GALNT17: variants seen among roughly 807,000 people sequenced by gnomAD.
GALNT17 encodes UDP-GalNAc:polypeptide N-acetylgalactosaminyltransferase-like 3.
GALNT17 carries 29 observed loss-of-function variants against 63.7 expected under a neutral mutation model. That is an observed-to-expected ratio of 0.46 (90% CI 0.34 to 0.62). The LOEUF (loss-of-function observed/expected upper bound fraction) is 0.62, where lower values mean the gene tolerates loss of function less well. GALNT17 is among the 20% of genes least tolerant of loss of function. The pLI, the probability that GALNT17 is intolerant of heterozygous loss-of-function variation, is 0.01. For synonymous variants in GALNT17, 305 were observed against 318.3 expected, an observed-to-expected ratio of 0.96 and a Z score of 0.45; for missense variants, 603 against 799.6, an observed-to-expected ratio of 0.75 and a Z score of 2.97.
intron 5 of GALNT17, among the ~76,000 whole-genome samples, chr7:71,487,973 G>T (rs1787940883): frequency 6.6e-6 from 1 of 152,044 alleles, no homozygotes; most frequent in Admixed American, 6.6e-5. Context: ...TTTGAGACCA[G>T]CCTAGACAAC....
At chr7:71,404,709 C>T (rs952435992) in intron 3 of GALNT17, among the ~76,000 whole-genome samples, 7 of 152,284 alleles carry the variant, frequency 4.6e-5, no homozygotes, top group African/African-American at 1.7e-4. Context: ...ATATGTGGCT[C>T]CTGTATCCCT....
intron 3 of GALNT17, among the ~76,000 whole-genome samples, chr7:71,405,462 A>G (rs1482059386): frequency 6.6e-6 from 1 of 152,188 alleles, no homozygotes; most frequent in Non-Finnish European, 1.5e-5. Context: ...CCCCATGTCT[A>G]CAAAAAATAA....
intron 1 of GALNT17, among the ~76,000 whole-genome samples, chr7:71,278,524 A>G (rs1249177523): frequency 6.6e-6 from 1 of 152,200 alleles, no homozygotes; most frequent in Non-Finnish European, 1.5e-5. Flanking sequence ...CTTTGTCGTA[A>G]TATGTTCTCA....
chr7:71,292,670 T>A (rs4719101), intron 1 of GALNT17, among the ~76,000 whole-genome samples: 1,743 of 51,912 alleles, frequency 0.034, 15 homozygotes, highest in Middle Eastern at 0.089. Context: ...AGAGAGAGAG[T>A]GTGTGTGTGT....
At chr7:71,512,335 G>A (rs1788374155) in intron 5 of GALNT17, among the ~76,000 whole-genome samples, 1 of 151,548 alleles carries the variant, frequency 6.6e-6, no homozygotes, top group African/African-American at 2.4e-5. Flanking sequence ...CATCATGGAA[G>A]TTCCCCTTCT....
intron 5 of GALNT17, among the ~76,000 whole-genome samples, chr7:71,499,101 G>A (rs183353535): frequency 1.5e-5 from 2 of 134,108 alleles, no homozygotes; most frequent in African/African-American, 6.5e-5. Context: ...GGACAGCGAA[G>A]CATTTTTTTT....
At chr7:71,306,404 G>A (rs988586057) in intron 1 of GALNT17, among the ~76,000 whole-genome samples, 6 of 151,578 alleles carry the variant, frequency 4.0e-5, no homozygotes, top group African/African-American at 1.5e-4. Flanking sequence ...CCTACCTGCT[G>A]TCAACGCCCC....
chr7:71,377,124 TATATATATATATATATAA>T (rs1563047735), intron 2 of GALNT17, among the ~76,000 whole-genome samples: 1 of 95,336 alleles, frequency 1.0e-5, no homozygotes, highest in African/African-American at 3.8e-5. Flanking sequence ...AATATATATA[TATATATATATATATATAA>T]AATCTCCTTC....
chr7:71,684,832 T>C (rs1403484886), intron 9 of GALNT17, among the ~76,000 whole-genome samples: 1 of 152,056 alleles, frequency 6.6e-6, no homozygotes, highest in Admixed American at 6.6e-5. Context: ...CCCAGCTAAT[T>C]TTTCAGTTTT....
chr7:71,405,066 T>G (rs548626938), intron 3 of GALNT17, among the ~76,000 whole-genome samples: 2 of 152,318 alleles, frequency 1.3e-5, no homozygotes, highest in South Asian at 4.1e-4. Flanking sequence ...CCCTGTGCAG[T>G]GGAATAATGT....
Position 71,335,777 on chromosome 7 carries a change from G to A in GALNT17, c.422+44G>A, listed in dbSNP as rs141153266. 4,839 of 1,535,486 alleles carry A rather than the reference G, an allele frequency of 3.2e-3. 13 individuals are homozygous for A. The highest frequency in any genetic ancestry group is 3.7e-3 in the Non-Finnish European group (4,162 of 1,134,450). On this transcript the variant is annotated intron_variant, in intron 2 of 10. Transcript: ENST00000333538. Reference sequence around the variant, plus strand: ...ATTTGCGGAGCTTGATGGGTCGTCAGAGTGGGTGTAGACCCCTACGTTTGT... The same window carrying A: ...ATTTGCGGAGCTTGATGGGTCGTCAAAGTGGGTGTAGACCCCTACGTTTGT...
At chr7:71,452,249 A>T (rs938540183) in intron 5 of GALNT17, among the ~76,000 whole-genome samples, 9 of 151,836 alleles carry the variant, frequency 5.9e-5, no homozygotes, top group African/African-American at 2.2e-4. Context: ...TTTAGAAAAA[A>T]AAAAAAGATT....
intron 2 of GALNT17, among the ~76,000 whole-genome samples, chr7:71,345,622 A>G (rs1583877522): frequency 6.6e-6 from 1 of 152,056 alleles, no homozygotes; most frequent in Admixed American, 6.6e-5. Context: ...TGGGTATTTG[A>G]GAATCATCCA....
intron 5 of GALNT17, among the ~76,000 whole-genome samples, chr7:71,512,911 C>T (rs1455735461): frequency 6.6e-6 from 1 of 152,212 alleles, no homozygotes; most frequent in Non-Finnish European, 1.5e-5. Context: ...CCTTTAGCTC[C>T]AACCTGGCCT....
intron 1 of GALNT17, among the ~76,000 whole-genome samples, chr7:71,249,979 C>T (rs541895978): frequency 1.3e-5 from 2 of 152,136 alleles, no homozygotes; most frequent in Non-Finnish European, 2.9e-5. Context: ...ATATGGAAGG[C>T]GTTTAAAAGC....
intron 5 of GALNT17, among the ~76,000 whole-genome samples, chr7:71,526,954 C>T (rs1231693987): frequency 6.6e-6 from 1 of 152,230 alleles, no homozygotes; most frequent in Non-Finnish European, 1.5e-5. Context: ...GTCTGCATCA[C>T]AACTATCATT....
At chr7:71,697,620 T>C (rs1446539390) in intron 9 of GALNT17, among the ~76,000 whole-genome samples, 1 of 152,102 alleles carries the variant, frequency 6.6e-6, no homozygotes, top group African/African-American at 2.4e-5. Flanking sequence ...AGGATTACCT[T>C]GGCAACAGTG....
chr7:71,235,484 C>T (rs901221071), intron 1 of GALNT17, among the ~76,000 whole-genome samples: 12 of 152,156 alleles, frequency 7.9e-5, no homozygotes, highest in African/African-American at 2.9e-4. Context: ...AAATCTTTGT[C>T]CAGTGTTGCA....
At chr7:71,388,716 G>A (rs1184556488) in intron 3 of GALNT17, among the ~76,000 whole-genome samples, 1 of 151,684 alleles carries the variant, frequency 6.6e-6, no homozygotes, top group Non-Finnish European at 1.5e-5. Context: ...TAGTAGAGAT[G>A]GGGTTTCACC....
Sources: gnomAD v4.1 joint callset for allele counts (sites outside exome capture counted in the v4.1 genomes callset) on GRCh38, gnomAD v4.1.1 for gene constraint, MANE v1.5 for transcripts, NCBI Gene and HGNC (gene_info 2026-07-23, HGNC 2026-07-21) for gene names.